CSMD3: variants seen among roughly 807,000 people sequenced by gnomAD.
CSMD3 encodes CUB and Sushi multiple domains 3, also known as CUB and sushi domain-containing protein 3.
Under a neutral mutation model 435.2 loss-of-function variants are expected in CSMD3, and 177 were observed. The ratio of observed to expected loss-of-function variants is 0.41; its 90% confidence interval spans 0.36 to 0.46. The LOEUF (loss-of-function observed/expected upper bound fraction) is 0.46. Among genes scored for constraint, CSMD3 ranks in the 20% least tolerant of loss-of-function variants. The pLI, the probability that CSMD3 is intolerant of heterozygous loss-of-function variation, is 0.34. For missense variants in CSMD3, 4,265 were observed against 4,504.6 expected (o/e 0.95, Z 1.52); for synonymous variants, 1,656 against 1,520.5 (o/e 1.09, Z -2.07).
intron 1 of CSMD3, among the ~76,000 whole-genome samples, chr8:113,344,228 CAGTT>C (rs1293028482): frequency 6.6e-6 from 1 of 152,096 alleles, no homozygotes; most frequent in East Asian, 1.9e-4. Flanking sequence ...CTTTGAATCT[CAGTT>C]AGCTCTGGTC....
rs1463675432 is a variant in CSMD3 at position 113,191,034 on chromosome 8, T to C, written c.515-17118A>G. On this transcript the variant is annotated intron_variant, in intron 3 of 70. Coordinates refer to ENST00000297405, the MANE Select transcript of CSMD3 (RefSeq NM_198123.2). ...TTCTCCATCTGGACATTTGTTTCTA[T>C]TACTAGAAAGTGTTCTTGATATTAG... 2.0e-5 allele frequency among the ~76,000 whole-genome samples: 3 copies of C among 151,844 alleles called. No individual in the cohort carries two copies. In the East Asian group the frequency reaches 5.8e-4, roughly 29 times the overall value.
At chr8:112,685,019 T>C (rs1457107664) in intron 15 of CSMD3, among the ~76,000 whole-genome samples, 1 of 152,174 alleles carries the variant, frequency 6.6e-6, no homozygotes, top group Non-Finnish European at 1.5e-5. Context: ...TATTGGTGCA[T>C]GAATATCTTT....
chr8:113,316,231 G>T (rs1220369057), intron 1 of CSMD3, among the ~76,000 whole-genome samples: 2 of 152,114 alleles, frequency 1.3e-5, no homozygotes, highest in African/African-American at 4.8e-5. Flanking sequence ...AAGCTGAAGT[G>T]CCAGAAGCTG....
At chr8:112,749,520 T>C (rs2077518550) in intron 13 of CSMD3, among the ~76,000 whole-genome samples, 2 of 152,058 alleles carry the variant, frequency 1.3e-5, no homozygotes, top group Non-Finnish European at 2.9e-5. Context: ...GTTTACACCA[T>C]ACACAAAACT....
intron 7 of CSMD3, among the ~76,000 whole-genome samples, chr8:112,958,324 A>G (rs1290120064): frequency 1.3e-5 from 2 of 152,130 alleles, no homozygotes; most frequent in African/African-American, 2.4e-5. Context: ...AAAATTTTTC[A>G]TTACATGTTC....
chr8:112,356,842 G>A (rs1826668583), intron 38 of CSMD3, among the ~76,000 whole-genome samples: 1 of 152,034 alleles, frequency 6.6e-6, no homozygotes, highest in South Asian at 2.1e-4. Context: ...ATGATTATGA[G>A]GCTTCACCAG....
chr8:112,791,897 A>C (rs2132293122), intron 13 of CSMD3, among the ~76,000 whole-genome samples: 1 of 152,198 alleles, frequency 6.6e-6, no homozygotes, highest in South Asian at 2.1e-4. Context: ...ACATTTTTTA[A>C]TCTTCACCAC....
At chr8:113,087,986 C>A (rs1411780580) in intron 5 of CSMD3, among the ~76,000 whole-genome samples, 1 of 150,010 alleles carries the variant, frequency 6.7e-6, no homozygotes, top group Non-Finnish European at 1.5e-5. Context: ...TATCCAGAAT[C>A]TACAATGAAC....
intron 1 of CSMD3, among the ~76,000 whole-genome samples, chr8:113,404,385 A>C (rs2094523362): frequency 6.6e-6 from 1 of 151,404 alleles, no homozygotes; most frequent in Non-Finnish European, 1.5e-5. Flanking sequence ...TACAATGAAT[A>C]AATGGTAGGA....
At chr8:112,360,199 C>T (rs1254069553) in intron 38 of CSMD3, among the ~76,000 whole-genome samples, 1 of 151,960 alleles carries the variant, frequency 6.6e-6, no homozygotes, top group Non-Finnish European at 1.5e-5. Context: ...TTCTTGCAAT[C>T]ATTCTCACTG....
At chr8:112,542,159 T>C (rs1433503681) in intron 27 of CSMD3, among the ~76,000 whole-genome samples, 1 of 151,208 alleles carries the variant, frequency 6.6e-6, no homozygotes, top group Non-Finnish European at 1.5e-5. Context: ...TGTTTCAACA[T>C]TATAAAGGCC....
intron 22 of CSMD3, among the ~76,000 whole-genome samples, chr8:112,632,845 A>AT (rs1004186412): frequency 6.6e-6 from 1 of 151,624 alleles, no homozygotes; most frequent in African/African-American, 2.4e-5. Flanking sequence ...ATTTTACTTT[A>AT]TTTTTTTGCT....
intron 41 of CSMD3, among the ~76,000 whole-genome samples, chr8:112,342,001 T>C (rs1825162988): frequency 6.6e-6 from 1 of 152,150 alleles, no homozygotes; most frequent in South Asian, 2.1e-4. Flanking sequence ...TTAAATTACA[T>C]AAACTAATTT....
intron 12 of CSMD3, among the ~76,000 whole-genome samples, chr8:112,801,448 C>A (rs1178442793): frequency 6.6e-6 from 1 of 151,936 alleles, no homozygotes; most frequent in Admixed American, 6.6e-5. Context: ...TGGTAAACTA[C>A]TATTATTTAA....
At chr8:113,173,990 A>C in intron 3 of CSMD3, 74 bp from the exon 4 acceptor site, 1 of 993,470 alleles carries the variant, frequency 1.0e-6, no homozygotes, top group East Asian at 2.6e-5. Flanking sequence ...GTATAAAATT[A>C]TATATGTAGA....
chr8:113,254,479 A>C (rs1405233653), intron 3 of CSMD3, among the ~76,000 whole-genome samples: 2 of 152,206 alleles, frequency 1.3e-5, no homozygotes, highest in Non-Finnish European at 2.9e-5. Context: ...CATCTGCATA[A>C]TAAAAGATTA....
At chr8:112,725,757 C>T (rs555587910) in intron 13 of CSMD3, among the ~76,000 whole-genome samples, 8 of 151,842 alleles carry the variant, frequency 5.3e-5, no homozygotes, top group Admixed American at 2.6e-4. Flanking sequence ...GTGACTCAAA[C>T]GGAAGTTATG....
chr8:112,866,708 T>C (rs149703630), intron 10 of CSMD3, among the ~76,000 whole-genome samples: 30 of 152,272 alleles, frequency 2.0e-4, no homozygotes, highest in Non-Finnish European at 3.7e-4. Flanking sequence ...TGAATAATCA[T>C]AGTGTCAGAG....
intron 52 of CSMD3, among the ~76,000 whole-genome samples, chr8:112,302,227 T>TTTG (rs1820997602): frequency 6.7e-6 from 1 of 148,934 alleles, no homozygotes; most frequent in Non-Finnish European, 1.5e-5. Flanking sequence ...TTTTTTTTTT[T>TTTG]GCATTTTTCG....
Sources: gnomAD v4.1 joint callset for allele counts (sites outside exome capture counted in the v4.1 genomes callset) on GRCh38, gnomAD v4.1.1 for gene constraint, MANE v1.5 for transcripts, NCBI Gene and HGNC (gene_info 2026-07-23, HGNC 2026-07-21) for gene names.